Variants in RBFOX1 observed in about 807,000 individuals in gnomAD.
RBFOX1 encodes RNA binding protein fox-1 homolog 1.
In RBFOX1, 8 loss-of-function variants were observed where a neutral mutation model predicts 57.7. That is an observed-to-expected ratio of 0.14 (90% CI 0.08 to 0.25). The LOEUF is 0.25. Ranked by LOEUF, RBFOX1 falls within the 10% of genes least tolerant of loss-of-function variation. RBFOX1 has a pLI of 1.00. For synonymous variants in RBFOX1, 326 were observed against 222.4 expected, an observed-to-expected ratio of 1.47 and a Z score of -4.15; for missense variants, 611 against 548.5, an observed-to-expected ratio of 1.11 and a Z score of -1.14.
intron 4 of RBFOX1, among the ~76,000 whole-genome samples, chr16:7,245,954 C>G (rs960249729): frequency 6.6e-6 from 1 of 152,062 alleles, no homozygotes; most frequent in Non-Finnish European, 1.5e-5. Flanking sequence ...CACAATTAGC[C>G]CATCCCTGAA....
At chr16:7,569,720 G>A (rs1350330542) in intron 5 of RBFOX1, among the ~76,000 whole-genome samples, 2 of 152,266 alleles carry the variant, frequency 1.3e-5, no homozygotes, top group South Asian at 4.1e-4. Context: ...TACAGCTAGT[G>A]AGGCCAGGTG....
chr16:6,048,100 A>C (rs2095514224), intron 1 of RBFOX1, among the ~76,000 whole-genome samples: 1 of 152,222 alleles, frequency 6.6e-6, no homozygotes, highest in Admixed American at 6.5e-5. Context: ...ATATGTGCGC[A>C]GCATTTTACG....
chr16:5,807,171 C>T (rs922714167), intron 3 of RBFOX1, among the ~76,000 whole-genome samples: 1 of 152,132 alleles, frequency 6.6e-6, no homozygotes, highest in African/African-American at 2.4e-5. Flanking sequence ...CTCTCAGAGC[C>T]TTCTTTTTCC....
At chr16:5,675,218 GCACACA>G (rs113522371) in intron 3 of RBFOX1, among the ~76,000 whole-genome samples, 2 of 150,170 alleles carry the variant, frequency 1.3e-5, no homozygotes, top group African/African-American at 4.9e-5. Context: ...ATGTACTCAC[GCACACA>G]CACACACACG....
intron 1 of RBFOX1, among the ~76,000 whole-genome samples, chr16:6,030,053 G>C (rs989872885): frequency 6.6e-6 from 1 of 152,082 alleles, no homozygotes; most frequent in African/African-American, 2.4e-5. Flanking sequence ...CAGGACCACA[G>C]GCATGTGCCA....
intron 1 of RBFOX1, among the ~76,000 whole-genome samples, chr16:6,234,618 C>G (rs552436590): frequency 2.2e-4 from 33 of 152,184 alleles, no homozygotes; most frequent in Admixed American, 2.1e-3. Flanking sequence ...AGAATAATGA[C>G]TCTCAGGTTT....
chr16:6,105,437 A>G (rs1376405751), intron 1 of RBFOX1, among the ~76,000 whole-genome samples: 2 of 152,120 alleles, frequency 1.3e-5, no homozygotes, highest in Non-Finnish European at 2.9e-5. Context: ...CAAATTCCAC[A>G]TTTTTGGAAT....
intron 2 of RBFOX1, among the ~76,000 whole-genome samples, chr16:6,459,618 A>G (rs1364096588): frequency 1.3e-5 from 2 of 152,152 alleles, no homozygotes; most frequent in African/African-American, 2.4e-5. Flanking sequence ...AGGCATCCAT[A>G]TATCCAAACA....
intron 3 of RBFOX1, among the ~76,000 whole-genome samples, chr16:5,852,951 C>T (rs192483402): frequency 2.2e-4 from 34 of 152,268 alleles, no homozygotes; most frequent in Non-Finnish European, 4.3e-4. Context: ...TTTGCCTGTG[C>T]GTTACGCTCT....
chr16:5,268,177 C>T (rs889349595), intron 1 of RBFOX1, among the ~76,000 whole-genome samples: 4 of 152,102 alleles, frequency 2.6e-5, no homozygotes, highest in Non-Finnish European at 5.9e-5. Flanking sequence ...GCACCTTGAT[C>T]GGCTTCATCC....
At chr16:7,417,484 C>G (rs1290718595) in intron 4 of RBFOX1, among the ~76,000 whole-genome samples, 1 of 151,698 alleles carries the variant, frequency 6.6e-6, no homozygotes, top group Admixed American at 6.6e-5. Flanking sequence ...TGACCTTGAT[C>G]CAATGCATCC....
At chr16:7,418,110 C>T (rs1006574503) in intron 4 of RBFOX1, among the ~76,000 whole-genome samples, 7 of 152,164 alleles carry the variant, frequency 4.6e-5, no homozygotes, top group Non-Finnish European at 7.4e-5. Flanking sequence ...CTAACCTCAC[C>T]TCTCCCCCAC....
At chr16:5,408,456 C>G (rs188532353) in intron 1 of RBFOX1, among the ~76,000 whole-genome samples, 85 of 152,274 alleles carry the variant, frequency 5.6e-4, no homozygotes, top group South Asian at 5.4e-3. Context: ...AAACTGAAGT[C>G]TGCACTCTGT....
At chr16:5,844,266 C>G (rs1390053718) in intron 3 of RBFOX1, among the ~76,000 whole-genome samples, 1 of 152,164 alleles carries the variant, frequency 6.6e-6, no homozygotes, top group Non-Finnish European at 1.5e-5. Flanking sequence ...CTTAGAAACT[C>G]AGCCCACATA....
chr16:5,310,700 C>T (rs548287244), intron 1 of RBFOX1, among the ~76,000 whole-genome samples: 1 of 152,294 alleles, frequency 6.6e-6, no homozygotes, highest in South Asian at 2.1e-4. Flanking sequence ...ACAGTAGGGT[C>T]TTGCTAGACC....
intron 1 of RBFOX1, among the ~76,000 whole-genome samples, chr16:5,294,278 C>A (rs1158672475): frequency 6.6e-6 from 1 of 152,028 alleles, no homozygotes; most frequent in Non-Finnish European, 1.5e-5. Context: ...ATACTGATGC[C>A]CATGTTTCAT....
intron 4 of RBFOX1, among the ~76,000 whole-genome samples, chr16:7,214,501 T>C (rs1158767215): frequency 6.6e-6 from 1 of 151,958 alleles, no homozygotes; most frequent in Non-Finnish European, 1.5e-5. Flanking sequence ...CCATCATCTC[T>C]CTGGTCCAAA....
At chr16:6,575,009 G>C (rs2097407737) in intron 2 of RBFOX1, among the ~76,000 whole-genome samples, 1 of 148,080 alleles carries the variant, frequency 6.8e-6, no homozygotes, top group South Asian at 2.2e-4. Flanking sequence ...CTGCACTCCA[G>C]CTTGGGGGAC....
At chr16:6,816,312 C>T (rs76843901) in intron 3 of RBFOX1, among the ~76,000 whole-genome samples, 12 of 152,010 alleles carry the variant, frequency 7.9e-5, no homozygotes, top group African/African-American at 2.4e-4. Context: ...TTGTTGCAAT[C>T]AATCATTCAG....
Sources: allele counts gnomAD v4.1 joint callset (sites outside exome capture counted in the v4.1 genomes callset), GRCh38; gene constraint gnomAD v4.1.1; transcripts MANE v1.5; gene names NCBI Gene and HGNC (gene_info 2026-07-23, HGNC 2026-07-21).